PLOD1: variants seen among roughly 807,000 people sequenced by gnomAD.
PLOD1 encodes lysine hydroxylase.
A neutral mutation model predicts 94.7 loss-of-function variants in PLOD1; 70 were observed. The observed-to-expected ratio is 0.74, with a 90% CI of 0.61 to 0.90. The LOEUF (loss-of-function observed/expected upper bound fraction) is 0.90. Ranked by LOEUF, PLOD1 falls within the 40% of genes least tolerant of loss-of-function variation. The pLI, the probability that PLOD1 is intolerant of heterozygous loss-of-function variation, is 0.00. For synonymous variants in PLOD1, 417 were observed against 400.2 expected (o/e 1.04, Z -0.50); for missense variants, 905 against 972.7 (o/e 0.93, Z 0.93).
chr1:11,935,000 G>A, intron 1 of PLOD1, 145 bp downstream of exon 1: 1 of 1,084,900 alleles, frequency 9.2e-7, no homozygotes, highest in Non-Finnish European at 1.3e-6. Flanking sequence ...AATCGCTGGT[G>A]ACTTGAACAA....
At chr1:11,954,292 G>T in intron 5 of PLOD1, 1 of 326,196 alleles carries the variant, frequency 3.1e-6, no homozygotes, top group South Asian at 2.4e-5. Flanking sequence ...GCTCAATGTG[G>T]TGAAATCCCA....
intron 1 of PLOD1, among the ~76,000 whole-genome samples, chr1:11,942,979 G>GT (rs142108230): frequency 0.084 from 12,558 of 150,016 alleles, 626 homozygotes; most frequent in African/African-American, 0.14. Context: ...TGTTTGTTTG[G>GT]TTTTTTGTTT....
intron 1 of PLOD1, among the ~76,000 whole-genome samples, chr1:11,947,007 G>C (rs1382581309): frequency 6.6e-6 from 1 of 152,128 alleles, no homozygotes. Flanking sequence ...GGTGGCTCAT[G>C]CCTGTAATCC....
In PLOD1 at chr1:11,957,005, G is replaced by A; in HGVS notation, c.732G>A (p.Gly244=). The change falls in exon 7 of 19, where the codon GGG becomes GGA. Residue 244 remains glycine (G), a synonymous_variant. Coordinates refer to ENST00000196061, the MANE Select transcript of PLOD1 (RefSeq NM_000302.4). This position sits in a 1 kb window ranked among gnomAD's most constrained non-coding sequence, Gnocchi z 4.1. The stretch of plus-strand genomic sequence containing the variant: ...TCCCGGTCCTGATCCATGGCAACGG[G>A]CCAACCAAGGTAGGGGGTCCCCAGC... The part of the protein sequence containing the change: ...DTLPVLIHGN[G]PTKLQLNYLG... 6.2e-7 allele frequency: 1 copy of A among 1,610,632 alleles called. No homozygotes were observed. The highest frequency in any genetic ancestry group is 8.5e-7 in the Non-Finnish European group (1 of 1,176,894).
In PLOD1 at chr1:11,956,973, G is replaced by A. The variant is rs1439806981; in HGVS notation, c.700G>A (p.Asp234Asn). The change falls in exon 7 of 19, where the codon GAC (aspartate) becomes AAC (asparagine). Residue 234 changes from aspartate to asparagine, a missense_variant. Physicochemically the swap from Asp to Asn is conservative, Grantham distance 23. Coordinates refer to ENST00000196061, the MANE Select transcript of PLOD1 (RefSeq NM_000302.4). ...GHVRARNLAY[D>N]TLPVLIHGNG... ...TGTGAGAGCGAGGAACCTGGCCTAT[G>A]ACACCCTCCCGGTCCTGATCCATGG... The A allele has an allele frequency of 2.5e-6, 4 of 1,613,932 alleles. No homozygotes were observed. The highest frequency in any genetic ancestry group is 3.4e-6 in the Non-Finnish European group (4 of 1,179,890).
chr1:11,964,046 G>A (rs1170155810), intron 11 of PLOD1, 129 bp from the exon 12 acceptor site: 2 of 977,568 alleles, frequency 2.0e-6, no homozygotes, highest in Non-Finnish European at 3.3e-6. Context: ...GGCACTGCCT[G>A]TCTCAGTGAG....
rs375303994 is a variant in PLOD1, at chr1:11,956,906, C to G, written c.644-11C>G. ...CTGATGCTGGGTGGGACTGTGCTTT[C>G]TGACCCCCAGATGAGGTCGTGCTCA... On this transcript the variant is annotated splice_polypyrimidine_tract_variant and intron_variant, in intron 6 of 18. Transcript: ENST00000196061. 6.3e-7 allele frequency: 1 copy of G among 1,599,482 alleles called. No individual in the cohort carries two copies. The highest frequency in any genetic ancestry group is 1.3e-5 in the African/African-American group (1 of 74,606).
chr1:11,964,220 G>C lies in PLOD1; in HGVS notation c.1248G>C (p.Ser416=). 1 of 1,604,502 alleles carries C rather than the reference G, an allele frequency of 6.2e-7. No homozygotes were observed. Among genetic ancestry groups the C allele is most frequent in the Non-Finnish European group, 8.5e-7 (1 of 1,174,322 alleles). ...TGACCCGGCATGGGAGGCTGTGGTC[G>C]AACTTCTGGGGGGCTCTCAGTGCAG... ...PLMTRHGRLW[S]NFWGALSADG... The change falls in exon 12 of 19, where the codon TCG becomes TCC. Residue 416 remains serine, a synonymous_variant. Transcript: ENST00000196061.
intron 1 of PLOD1, among the ~76,000 whole-genome samples, chr1:11,939,937 AT>A (rs1645604864): frequency 6.6e-6 from 1 of 151,966 alleles, no homozygotes; most frequent in South Asian, 2.1e-4. Context: ...TCTAAATTTT[AT>A]TTTTTTGTAC....
chr1:11,950,846 T>A (rs1645695863), intron 4 of PLOD1, among the ~76,000 whole-genome samples: 1 of 152,122 alleles, frequency 6.6e-6, no homozygotes, highest in African/African-American at 2.4e-5. Context: ...CAGGCTGGAG[T>A]GCAGTGGTGG....
At chr1:11,960,565 G>T in intron 9 of PLOD1, 81 bp from the exon 10 acceptor site, 1 of 996,564 alleles carries the variant, frequency 1.0e-6, no homozygotes, top group Non-Finnish European at 1.6e-6. Context: ...GCCTGGCAGT[G>T]ACAGGAGGTG....
In PLOD1 at chr1:11,958,705, A is replaced by G. The variant is rs570459808; in HGVS notation, c.975+58A>G. The G allele has an allele frequency of 1.1e-5, 18 of 1,607,124 alleles. No homozygotes were observed. The African/African-American group carries it at 1.5e-4, about 13-fold the overall frequency. On this transcript the variant is annotated intron_variant, in intron 9 of 18. Coordinates refer to ENST00000196061, the MANE Select transcript of PLOD1 (RefSeq NM_000302.4). This position sits in a 1 kb window ranked among gnomAD's most constrained non-coding sequence, Gnocchi z 4.3. ...TGGCTTAGATCCAGGGCCCAGCTTC[A>G]CAAGGTAGCCCGAGACCTCTGAGGG... is the stretch of plus-strand genomic sequence containing the variant.
intron 16 of PLOD1, among the ~76,000 whole-genome samples, chr1:11,969,607 C>T (rs2100763616): frequency 6.6e-6 from 1 of 152,310 alleles, no homozygotes; most frequent in East Asian, 1.9e-4. Context: ...CTCAGAATAA[C>T]ACCCGTGTGT....
intron 5 of PLOD1, chr1:11,954,348 T>A: frequency 3.4e-6 from 1 of 291,858 alleles, no homozygotes; most frequent in South Asian, 2.8e-5. Context: ...TAGCTGGGTA[T>A]GGTGGCACAT....
chr1:11,957,082 C>T lies in PLOD1; in HGVS notation c.741+68C>T, dbSNP rs780975714. ...AGCCCTAATTTCATTCTCACTGTGA[C>T]CCCACAGTGTCTCCCTGGGGCCAGG... On this transcript the variant is annotated intron_variant, in intron 7 of 18. Transcript: ENST00000196061. The surrounding 1 kb of genome is among the most constrained non-coding windows in gnomAD (Gnocchi z 4.1). 2.7e-5 allele frequency: 28 copies of T among 1,037,502 alleles called. No homozygotes were observed. The Middle Eastern group carries it at 6.0e-4, about 22-fold the overall frequency. The allele number at this position is 1,037,502 out of a possible 1,614,324, so 64.3% of individuals were successfully genotyped here. A position where few individuals can be genotyped will look rare whatever the true frequency, so the allele number is the denominator to read the frequency against.
At position 11,974,796 on chromosome 1, in the gene PLOD1, C is replaced by T. The variant is rs1255270684; in HGVS notation, c.2172C>T (p.Phe724=). 13 of 1,614,030 alleles carry T rather than the reference C, an allele frequency of 8.1e-6. No individual in the cohort carries two copies. Among genetic ancestry groups the T allele is most frequent in the Admixed American group, 1.7e-5 (1 of 60,002 alleles). The part of the protein sequence containing the change: ...TRGTRYIAVS[F]VDP ...GCACCCGCTACATCGCAGTCTCCTT[C>T]GTCGATCCCTAATTGGCCAGGCCTG... Residue 724 remains phenylalanine, a synonymous_variant, in exon 19 of 19, where the codon TTC becomes TTT. Coordinates refer to ENST00000196061, the MANE Select transcript of PLOD1 (RefSeq NM_000302.4).
chr1:11,964,052 G>A (rs1645798091), intron 11 of PLOD1, 123 bp from the exon 12 acceptor site: 5 of 1,020,154 alleles, frequency 4.9e-6, no homozygotes, highest in South Asian at 2.5e-5. Flanking sequence ...GCCTGTCTCA[G>A]TGAGGTGCTT....
chr1:11,966,141 G>A (rs1645815709), intron 14 of PLOD1, 110 bp from the exon 15 acceptor site: 1 of 800,018 alleles, frequency 1.2e-6, no homozygotes, highest in Non-Finnish European at 2.2e-6. Context: ...GTGAACACCT[G>A]CCTCTGTCAA....
At position 11,952,682 on chromosome 1, in the gene PLOD1, A is replaced by G. The variant is rs1569694008; in HGVS notation, c.526A>G (p.Ser176Gly). 6.2e-7 allele frequency: 1 copy of G among 1,614,104 alleles called. No individual in the cohort carries two copies. The highest frequency in any genetic ancestry group is 8.5e-7 in the Non-Finnish European group (1 of 1,179,968). ...GGTGGCCGAGTGGGAGGGCCAGGAC[A>G]GCGACAGCGATCAGCTGTTTTACAC... ...KLVAEWEGQD[S>G]DSDQLFYTKI... Residue 176 changes from serine (S) to glycine (G), a missense_variant, in exon 5 of 19, where the codon AGC becomes GGC. Transcript: ENST00000196061.
Sources: allele counts gnomAD v4.1 joint callset (sites outside exome capture counted in the v4.1 genomes callset), GRCh38; gene constraint gnomAD v4.1.1; non-coding constraint Gnocchi (gnomAD v3.1); transcripts MANE v1.5; gene names NCBI Gene and HGNC (gene_info 2026-07-23, HGNC 2026-07-21).